Variants in TIMM23B observed in about 807,000 individuals in gnomAD.
TIMM23B encodes mitochondrial import inner membrane translocase subunit Tim23B.
TIMM23B carries 27 observed loss-of-function variants against 27.3 expected under a neutral mutation model. The ratio of observed to expected loss-of-function variants is 0.99; its 90% CI spans 0.73 to 1.36. The LOEUF is 1.36. Among genes scored for constraint, TIMM23B ranks in the 40% most tolerant of loss-of-function variants. The pLI, the probability that TIMM23B is intolerant of heterozygous loss-of-function variation, is 0.00. For missense variants in TIMM23B, 205 were observed against 244.2 expected, an observed-to-expected ratio of 0.84 and a Z score of 1.07; for synonymous variants, 73 against 92.4, an observed-to-expected ratio of 0.79 and a Z score of 1.21.
At chr10:49,963,621 C>T (rs1554854919) in intron 6 of TIMM23B, among the ~76,000 whole-genome samples, 1 of 152,142 alleles carries the variant, frequency 6.6e-6, no homozygotes. Flanking sequence ...TAGAGTGAGA[C>T]TCCGTCTTGA....
At chr10:49,971,509 T>C (rs12411500) in intron 6 of TIMM23B, among the ~76,000 whole-genome samples, 14,351 of 152,184 alleles carry the variant, frequency 0.094, 1,117 homozygotes, top group East Asian at 0.32. Flanking sequence ...TATACATGAC[T>C]ACATGCTTCA....
intron 6 of TIMM23B, among the ~76,000 whole-genome samples, chr10:49,962,597 A>G (rs1187356208): frequency 6.6e-6 from 1 of 151,494 alleles, no homozygotes; most frequent in Admixed American, 6.6e-5. Context: ...TTGTCTTTTA[A>G]CTCCCACTTC....
At chr10:49,959,612 A>G (rs1229088689) in intron 6 of TIMM23B, among the ~76,000 whole-genome samples, 1 of 152,226 alleles carries the variant, frequency 6.6e-6, no homozygotes, top group Non-Finnish European at 1.5e-5. Context: ...AAAGATTTTA[A>G]TGATGTTTAA....
rs546480945 is a variant in TIMM23B at position 49,966,021 on chromosome 10, G to A, written c.515-6991G>A. ...ATAATGAAATGCCAGATGCAGTGGC[G>A]CACTCCAGCCTGGGTGATAGAGCGA... On this transcript the variant is annotated intron_variant, in intron 6 of 6. Coordinates refer to ENST00000651259, the MANE Select transcript of TIMM23B (RefSeq NM_001290117.2). 4.5e-4 allele frequency among the ~76,000 whole-genome samples: 67 copies of A among 148,918 alleles called. 1 individual carries two copies. The highest frequency in any genetic ancestry group is 1.4e-3 in the African/African-American group (59 of 40,752).
intron 2 of TIMM23B, among the ~76,000 whole-genome samples, chr10:49,946,840 G>T (rs1203848372): frequency 1.3e-5 from 2 of 149,544 alleles, no homozygotes; most frequent in African/African-American, 5.0e-5. Context: ...AAATTCAGGG[G>T]ACATAGAATG....
intron 6 of TIMM23B, among the ~76,000 whole-genome samples, chr10:49,966,065 A>AATGACATGACATGAC (rs146709772): frequency 0.018 from 2,652 of 143,686 alleles, 85 homozygotes; most frequent in African/African-American, 0.061. Context: ...CTCGAAATGA[A>AATGACATGACATGAC]ATGACATGAC....
chr10:49,961,739 A>G (rs1839921956), intron 6 of TIMM23B, among the ~76,000 whole-genome samples: 2 of 151,378 alleles, frequency 1.3e-5, no homozygotes, highest in East Asian at 1.9e-4. Context: ...GGTTCAGACT[A>G]CAGGTGCATG....
At chr10:49,971,564 G>A (rs1840450992) in intron 6 of TIMM23B, among the ~76,000 whole-genome samples, 1 of 152,184 alleles carries the variant, frequency 6.6e-6, no homozygotes, top group Non-Finnish European at 1.5e-5. Flanking sequence ...GCAACATTCT[G>A]AAGTAACATT....
chr10:49,947,589 A>G (rs1839393500), intron 2 of TIMM23B, among the ~76,000 whole-genome samples: 1 of 152,002 alleles, frequency 6.6e-6, no homozygotes, highest in African/African-American at 2.4e-5. Context: ...CAGCCTGGGC[A>G]ACAGAGTAAG....
At chr10:49,944,164 G>C (rs1839281354) in intron 1 of TIMM23B, among the ~76,000 whole-genome samples, 1 of 152,192 alleles carries the variant, frequency 6.6e-6, no homozygotes, top group Non-Finnish European at 1.5e-5. Context: ...TTATGGTAAG[G>C]AGTTTCGATT....
intron 6 of TIMM23B, among the ~76,000 whole-genome samples, 173 bp downstream of exon 6, chr10:49,958,653 C>G (rs1203730579): frequency 6.6e-6 from 1 of 152,176 alleles, no homozygotes; most frequent in Non-Finnish European, 1.5e-5. Context: ...ATTTACCCAT[C>G]TTAACCATTT....
chr10:49,944,220 G>A (rs61847100), intron 1 of TIMM23B, among the ~76,000 whole-genome samples: 29,086 of 152,156 alleles, frequency 0.19, 3,321 homozygotes, highest in Non-Finnish European at 0.27. Flanking sequence ...GTGAATTGAA[G>A]GGGTAAGAGA....
intron 2 of TIMM23B, among the ~76,000 whole-genome samples, chr10:49,945,368 G>T (rs1286155708): frequency 0.28 from 43,300 of 151,984 alleles, 6,424 homozygotes; most frequent in Non-Finnish European, 0.32. Context: ...AGTGTGTGGG[G>T]TTTTTTTGTT....
At chr10:49,953,764 A>G (rs1404471552) in intron 4 of TIMM23B, among the ~76,000 whole-genome samples, 1 of 152,160 alleles carries the variant, frequency 6.6e-6, no homozygotes, top group Non-Finnish European at 1.5e-5. Context: ...AAGTTTTTGT[A>G]TTATAGGGAA....
At chr10:49,965,798 C>T (rs1328750540) in intron 6 of TIMM23B, among the ~76,000 whole-genome samples, 6 of 144,980 alleles carry the variant, frequency 4.1e-5, no homozygotes, top group South Asian at 4.3e-4. Context: ...GAGTCTCCAT[C>T]GAAATGAAAT....
intron 2 of TIMM23B, among the ~76,000 whole-genome samples, chr10:49,948,374 A>G (rs1456208816): frequency 1.3e-5 from 2 of 152,058 alleles, no homozygotes; most frequent in Non-Finnish European, 2.9e-5. Context: ...TATACTCCAT[A>G]CTCAAGAGAA....
At position 49,942,317 on chromosome 10, in the gene TIMM23B, G is replaced by C; in HGVS notation, c.106+17G>C. 2.5e-6 allele frequency: 4 copies of C among 1,600,974 alleles called. No individual in the cohort carries two copies. The Middle Eastern group carries it at 5.0e-4, about 199-fold the overall frequency. ...GCGTCCCGCGTAAGTATGGGGCCTA[G>C]CTTGCGATTATTTCTGACTGGTTCT... On this transcript the variant is annotated intron_variant, in intron 1 of 6. Coordinates refer to ENST00000651259, the MANE Select transcript of TIMM23B (RefSeq NM_001290117.2).
chr10:49,963,150 G>A (rs1210359936), intron 6 of TIMM23B, among the ~76,000 whole-genome samples: 13 of 151,996 alleles, frequency 8.6e-5, no homozygotes, highest in Admixed American at 6.6e-4. Flanking sequence ...CAGAGATCGC[G>A]CCACTGAATT....
chr10:49,951,810 GTTC>G, intron 2 of TIMM23B, among the ~76,000 whole-genome samples: 1 of 152,296 alleles, frequency 6.6e-6, no homozygotes, highest in East Asian at 1.9e-4. Flanking sequence ...TGTCTGTTCT[GTTC>G]TTCTCATAGC....
Sources: allele counts gnomAD v4.1 joint callset (sites outside exome capture counted in the v4.1 genomes callset), GRCh38; gene constraint gnomAD v4.1.1; transcripts MANE v1.5; gene names NCBI Gene and HGNC (gene_info 2026-07-23, HGNC 2026-07-21).